Variants in KIAA1671 observed in about 807,000 individuals in gnomAD.
The protein encoded by KIAA1671 is uncharacterized protein KIAA1671.
In KIAA1671, 52 loss-of-function variants were observed where a neutral mutation model predicts 131.2. The observed-to-expected ratio is 0.40, with a 90% CI of 0.32 to 0.50. The LOEUF (loss-of-function observed/expected upper bound fraction) is 0.50. KIAA1671 is among the 20% of genes least tolerant of loss of function. The pLI is 0.73. For synonymous variants in KIAA1671, 1,003 were observed against 961.6 expected, an observed-to-expected ratio of 1.04 and a Z score of -0.80; for missense variants, 2,360 against 2,364.2, an observed-to-expected ratio of 1.00 and a Z score of 0.04.
At chr22:25,034,048 G>GTTT (rs35842433) in intron 4 of KIAA1671, among the ~76,000 whole-genome samples, 1 of 130,844 alleles carries the variant, frequency 7.6e-6, no homozygotes, top group Non-Finnish European at 1.7e-5. Flanking sequence ...ATGCCACTTT[G>GTTT]TTTTTTTTTT....
chr22:25,090,118 G>T (rs1200071438), intron 6 of KIAA1671, among the ~76,000 whole-genome samples: 1 of 152,230 alleles, frequency 6.6e-6, no homozygotes, highest in Non-Finnish European at 1.5e-5. Context: ...AGGATCCAGG[G>T]AGTGCGGGCA....
At chr22:25,179,074 C>T (rs1934158999) in intron 9 of KIAA1671, among the ~76,000 whole-genome samples, 2 of 152,240 alleles carry the variant, frequency 1.3e-5, no homozygotes, top group South Asian at 2.1e-4. Context: ...CGCGCCCGGC[C>T]TGGTGTCTGC....
intron 1 of KIAA1671, among the ~76,000 whole-genome samples, chr22:24,954,629 C>A (rs928587861): frequency 2.0e-5 from 3 of 152,156 alleles, no homozygotes; most frequent in African/African-American, 7.2e-5. Flanking sequence ...GAGTTACTTT[C>A]CAGCTATGGA....
chr22:25,144,009 A>C lies in KIAA1671; in HGVS notation c.4531-26811A>C, dbSNP rs994867109. Among the ~76,000 whole-genome samples, 98 of 150,186 alleles carry C rather than the reference A, an allele frequency of 6.5e-4. 4 individuals carry two copies. Among genetic ancestry groups the C allele is most frequent in the Non-Finnish European group, 4.2e-4 (28 of 67,382 alleles). On this transcript the variant is annotated intron_variant, in intron 6 of 12. Transcript: ENST00000358431. ...AACATAGCAAGATCCCATCTGTATAAAAAAAAAAATGAACTAAAAAAAATG... is the reference window on the plus strand; with the variant it reads ...AACATAGCAAGATCCCATCTGTATACAAAAAAAAATGAACTAAAAAAAATG...
Position 25,181,726 on chromosome 22 carries a change from C to T in KIAA1671, c.5102C>T (p.Ser1701Leu), listed in dbSNP as rs770482979. 120 of 1,551,422 alleles carry T rather than the reference C, an allele frequency of 7.7e-5. No homozygotes were observed. Among genetic ancestry groups the T allele is most frequent in the East Asian group, 2.0e-4 (8 of 40,906 alleles). ...GAGAAATCACCCAGGAAGGAGGAGT[C>T]GGATGAGGAGGAGACGGCATCCAAA... is the stretch of plus-strand genomic sequence containing the variant. ...TEEKSPRKEE[S>L]DEEETASKAE... Residue 1701 changes from serine to leucine, a missense_variant, in exon 10 of 13, where the codon TCG (serine) becomes TTG (leucine). Around this residue, in one of 3 missense-constraint regions of KIAA1671, gnomAD observed 1,161 missense variants for 1,204.7 expected, o/e 0.96. Coordinates refer to ENST00000358431, the MANE Select transcript of KIAA1671 (RefSeq NM_001145206.2).
At position 25,127,004 on chromosome 22, in the gene KIAA1671, A is replaced by G. The variant is rs555613590; in HGVS notation, c.4531-43816A>G. Among the ~76,000 whole-genome samples, 177 of 152,202 alleles carry G rather than the reference A, an allele frequency of 1.2e-3. 3 individuals are homozygous for G. In the South Asian group the frequency reaches 0.031, roughly 26 times the overall value. On this transcript the variant is annotated intron_variant, in intron 6 of 12. Coordinates refer to ENST00000358431, the MANE Select transcript of KIAA1671 (RefSeq NM_001145206.2). ...TGGCTATGGGCCTCAGTTTCCCCATATGTTTTTTAGAGGTTGTGGTGTGAC... is the reference window on the plus strand; with the variant it reads ...TGGCTATGGGCCTCAGTTTCCCCATGTGTTTTTTAGAGGTTGTGGTGTGAC...
At chr22:25,179,565 G>C (rs1265086734) in intron 9 of KIAA1671, 4 of 1,527,570 alleles carry the variant, frequency 2.6e-6, no homozygotes, top group Non-Finnish European at 3.6e-6. Flanking sequence ...GTTGGGAAGG[G>C]AACGGAGCCG....
intron 1 of KIAA1671, among the ~76,000 whole-genome samples, chr22:24,984,787 G>T (rs548918884): frequency 2.6e-5 from 4 of 152,050 alleles, no homozygotes; most frequent in African/African-American, 9.6e-5. Flanking sequence ...GGCGGCATGT[G>T]CCTGCAACCC....
intron 6 of KIAA1671, among the ~76,000 whole-genome samples, chr22:25,163,218 C>T (rs554474192): frequency 2.6e-5 from 4 of 151,576 alleles, no homozygotes; most frequent in Admixed American, 2.0e-4. Context: ...GTCCCAGCTA[C>T]TCAGGAGGCT....
intron 1 of KIAA1671, among the ~76,000 whole-genome samples, chr22:25,000,037 A>C (rs1198234350): frequency 6.6e-6 from 1 of 151,800 alleles, no homozygotes; most frequent in Non-Finnish European, 1.5e-5. Context: ...GGTGCCTGCC[A>C]CCACGCCCAG....
At chr22:25,150,411 G>T (rs12166496) in intron 6 of KIAA1671, among the ~76,000 whole-genome samples, 39,533 of 152,096 alleles carry the variant, frequency 0.26, 5,227 homozygotes, top group South Asian at 0.36. Context: ...TACAGCCAGG[G>T]ACGCAGGCTC....
At chr22:24,979,170 A>ATTTTTTTTTTTTTTT (rs71191010) in intron 1 of KIAA1671, among the ~76,000 whole-genome samples, 3 of 81,718 alleles carry the variant, frequency 3.7e-5, no homozygotes, top group South Asian at 4.7e-4. Context: ...TAATTTTTGT[A>ATTTTTTTTTTTTTTT]TTTTTTTTTT....
intron 6 of KIAA1671, among the ~76,000 whole-genome samples, chr22:25,141,761 G>A (rs1056861621): frequency 2.0e-5 from 3 of 152,074 alleles, no homozygotes; most frequent in Non-Finnish European, 2.9e-5. Context: ...GATGCATCAC[G>A]GGATTTTCCT....
At chr22:25,170,738 C>G in intron 6 of KIAA1671, 82 bp from the exon 7 acceptor site, 1 of 1,364,894 alleles carries the variant, frequency 7.3e-7, no homozygotes, top group Non-Finnish European at 1.0e-6. Context: ...GGGGGCCATG[C>G]GATCTGATTT....
At chr22:25,185,671 G>A (rs5760898) in intron 11 of KIAA1671, 5,049 of 152,430 alleles carry the variant, frequency 0.033, 160 homozygotes, top group East Asian at 0.16. Context: ...AGCAGCTGGA[G>A]GTGGAGGTTA....
At chr22:25,076,782 G>A (rs575615992) in intron 6 of KIAA1671, among the ~76,000 whole-genome samples, 135 of 152,266 alleles carry the variant, frequency 8.9e-4, no homozygotes, top group African/African-American at 3.1e-3. Context: ...GATGATAAAA[G>A]TCACCATCAC....
chr22:25,079,677 G>A (rs1231318827), intron 6 of KIAA1671, among the ~76,000 whole-genome samples: 1 of 152,222 alleles, frequency 6.6e-6, no homozygotes, highest in Admixed American at 6.5e-5. Flanking sequence ...CAGGAGGGAT[G>A]CCACGGTGGC....
Position 25,159,760 on chromosome 22 carries a change from C to T in KIAA1671, c.4531-11060C>T, listed in dbSNP as rs775183305. Reference sequence around the variant, plus strand: ...AGAGCTGGATTTGCTCTGGTCTGCTCGGTCATAGAGCCCTAGCTCAGAACT... The same window carrying T: ...AGAGCTGGATTTGCTCTGGTCTGCTTGGTCATAGAGCCCTAGCTCAGAACT... On this transcript the variant is annotated intron_variant, in intron 6 of 12. Coordinates refer to ENST00000358431, the MANE Select transcript of KIAA1671 (RefSeq NM_001145206.2). Among the ~76,000 whole-genome samples the T allele has an allele frequency of 4.6e-5, 7 of 152,270 alleles. No individual in the cohort carries two copies. In the South Asian group the frequency reaches 6.2e-4, roughly 14 times the overall value.
intron 1 of KIAA1671, among the ~76,000 whole-genome samples, chr22:24,985,506 A>G (rs1030673200): frequency 3.2e-4 from 48 of 151,854 alleles, no homozygotes; most frequent in Admixed American, 2.4e-3. Flanking sequence ...CGCCCGGCTA[A>G]TTTTTTGTAT....
Sources: allele counts gnomAD v4.1 joint callset (sites outside exome capture counted in the v4.1 genomes callset), GRCh38; gene constraint gnomAD v4.1.1; regional missense constraint gnomAD v4.1.1; transcripts MANE v1.5; gene names NCBI Gene and HGNC (gene_info 2026-07-23, HGNC 2026-07-21).